PACSIN1: variants seen among roughly 807,000 people sequenced by gnomAD.
PACSIN1 encodes the protein protein kinase C and casein kinase substrate in neurons 1.
In PACSIN1, 15 loss-of-function variants were observed where a neutral mutation model predicts 59.5. That is an observed-to-expected ratio of 0.25 (90% CI 0.17 to 0.39). The LOEUF is 0.39. PACSIN1 is among the 10% of genes least tolerant of loss of function. The pLI is 1.00. For missense variants in PACSIN1, 420 were observed against 580.2 expected (o/e 0.72, Z 2.84); for synonymous variants, 210 against 220.6 (o/e 0.95, Z 0.42).
intron 1 of PACSIN1, among the ~76,000 whole-genome samples, chr6:34,469,764 A>G (rs1048889196): frequency 1.3e-5 from 2 of 152,142 alleles, no homozygotes; most frequent in Admixed American, 6.5e-5. Context: ...CTGGGGCAAC[A>G]GGTAGTGTTC....
intron 1 of PACSIN1, among the ~76,000 whole-genome samples, chr6:34,467,086 A>G (rs1303678698): frequency 6.6e-6 from 1 of 152,122 alleles, no homozygotes; most frequent in Non-Finnish European, 1.5e-5. Flanking sequence ...AGGCACAACC[A>G]TAAATAACCC....
Position 34,529,699 on chromosome 6 carries a change from G to A in PACSIN1, c.646G>A (p.Val216Met), listed in dbSNP as rs144349186. ...QEKYEKVLED[V>M]GKTTPQYMEN... ...GAAGTATGAGAAAGTGCTGGAAGAT[G>A]TGGGCAAGACCACACCCCAGTACAT... Residue 216 changes from valine to methionine, a missense_variant, in exon 6 of 10, where the codon GTG (valine) becomes ATG (methionine). Val to Met is a conservative substitution (Grantham distance 21). Transcript: ENST00000244458. This position sits in a 1 kb window ranked among gnomAD's most constrained non-coding sequence, Gnocchi z 6.3. 4.3e-6 allele frequency: 7 copies of A among 1,614,070 alleles called. No homozygotes were observed. The African/African-American group carries it at 9.3e-5, about 22-fold the overall frequency.
chr6:34,471,862 C>A (rs896848252), intron 1 of PACSIN1, among the ~76,000 whole-genome samples: 9 of 152,172 alleles, frequency 5.9e-5, no homozygotes, highest in Admixed American at 3.3e-4. Context: ...TCTTTGTACG[C>A]TGTGATTTCG....
chr6:34,525,900 C>T lies in PACSIN1; in HGVS notation c.-63-343C>T, dbSNP rs980452013. Among the ~76,000 whole-genome samples the T allele has an allele frequency of 1.3e-5, 2 of 151,980 alleles. No individual in the cohort carries two copies. The highest frequency in any genetic ancestry group is 2.9e-5 in the Non-Finnish European group (2 of 67,970). On this transcript the variant is annotated intron_variant, in intron 1 of 9. Transcript: ENST00000244458. The surrounding 1 kb of genome is among the most constrained non-coding windows in gnomAD (Gnocchi z 4.9). ...AGACAGAAGGGCATTTACAGGGTCC[C>T]GGGGCTCAGATAACTGAGGAGGCGC...
chr6:34,529,282 T>C lies in PACSIN1; in HGVS notation c.457-115T>C. On this transcript the variant is annotated intron_variant, in intron 4 of 9. Transcript: ENST00000244458. This position sits in a 1 kb window ranked among gnomAD's most constrained non-coding sequence, Gnocchi z 6.3. Reference sequence around the variant, plus strand: ...CCAGGGCCTGCATCCCTTCTGGCTCTTAAGAGTGTGGGCTCACAGGTCCCA... The same window carrying C: ...CCAGGGCCTGCATCCCTTCTGGCTCCTAAGAGTGTGGGCTCACAGGTCCCA... 8.7e-7 allele frequency: 1 copy of C among 1,148,226 alleles called. No homozygotes were observed. The highest frequency in any genetic ancestry group is 1.2e-6 in the Non-Finnish European group (1 of 801,444). The allele number at this position is 1,148,226 out of a possible 1,614,324, so 71.1% of individuals were successfully genotyped here.
intron 1 of PACSIN1, among the ~76,000 whole-genome samples, chr6:34,524,402 GAA>G (rs1767448874): frequency 6.6e-6 from 1 of 152,142 alleles, no homozygotes; most frequent in Non-Finnish European, 1.5e-5. Context: ...GACCTACAGA[GAA>G]AAGTCTCTCT....
chr6:34,495,844 C>A (rs764184257), intron 1 of PACSIN1, among the ~76,000 whole-genome samples: 1 of 152,228 alleles, frequency 6.6e-6, no homozygotes, highest in Admixed American at 6.5e-5. Context: ...CCATCTCCCC[C>A]GTTTCTAAAG....
intron 1 of PACSIN1, among the ~76,000 whole-genome samples, chr6:34,467,679 C>T (rs779037039): frequency 6.6e-5 from 10 of 151,860 alleles, no homozygotes; most frequent in Non-Finnish European, 1.0e-4. Context: ...CTGCCTCAGC[C>T]TCCTGAGTAG....
At chr6:34,478,135 C>G (rs1320675891) in intron 1 of PACSIN1, among the ~76,000 whole-genome samples, 1 of 150,506 alleles carries the variant, frequency 6.6e-6, no homozygotes, top group Non-Finnish European at 1.5e-5. Flanking sequence ...TCTCGGCTTA[C>G]TGCAACCTCC....
chr6:34,503,462 G>A (rs1285080554), intron 1 of PACSIN1, among the ~76,000 whole-genome samples: 1 of 152,174 alleles, frequency 6.6e-6, no homozygotes, highest in East Asian at 1.9e-4. Flanking sequence ...AGTGAGTATC[G>A]TCAGCACCGT....
intron 3 of PACSIN1, among the ~76,000 whole-genome samples, chr6:34,528,337 C>T (rs368273334): frequency 6.6e-6 from 1 of 152,222 alleles, no homozygotes; most frequent in South Asian, 2.1e-4. Context: ...AGGCTGCCCC[C>T]CTCCGACCCC....
rs1767583514 is a variant in PACSIN1 at position 34,530,926 on chromosome 6, A to C, written c.1037+339A>C. On this transcript the variant is annotated intron_variant, in intron 8 of 9. Coordinates refer to ENST00000244458, the MANE Select transcript of PACSIN1 (RefSeq NM_020804.5). This position sits in a 1 kb window ranked among gnomAD's most constrained non-coding sequence, Gnocchi z 4.4. ...ATAGGGGGGTTGCGCTCCTATGAGAATCTAACGCCGCGGCTGATCTAACAG... is the reference window on the plus strand; with the variant it reads ...ATAGGGGGGTTGCGCTCCTATGAGACTCTAACGCCGCGGCTGATCTAACAG... 6.6e-6 allele frequency among the ~76,000 whole-genome samples: 1 copy of C among 152,142 alleles called. No homozygotes were observed. Among genetic ancestry groups the C allele is most frequent in the Non-Finnish European group, 1.5e-5 (1 of 68,012 alleles).
chr6:34,485,596 T>C (rs531192270), intron 1 of PACSIN1, among the ~76,000 whole-genome samples: 92 of 152,278 alleles, frequency 6.0e-4, no homozygotes, highest in African/African-American at 1.9e-3. Flanking sequence ...GCCTGTCCCA[T>C]ATCCAGGTGG....
chr6:34,481,600 G>A (rs1766720291), intron 1 of PACSIN1, among the ~76,000 whole-genome samples: 1 of 151,850 alleles, frequency 6.6e-6, no homozygotes, highest in South Asian at 2.1e-4. Flanking sequence ...AACCCGGGAG[G>A]TGGAGCTTGC....
chr6:34,516,001 C>T lies in PACSIN1; in HGVS notation c.-63-10242C>T, dbSNP rs1436352489. Among the ~76,000 whole-genome samples the T allele has an allele frequency of 6.6e-6, 1 of 152,080 alleles. No individual in the cohort carries two copies. Among genetic ancestry groups the T allele is most frequent in the African/African-American group, 2.4e-5 (1 of 41,404 alleles). ...AGTTCACGGTGGGGCACACCTGGTCCAGTTTTGCCCTGAATGGAGCTGAGC... is the reference window on the plus strand; with the variant it reads ...AGTTCACGGTGGGGCACACCTGGTCTAGTTTTGCCCTGAATGGAGCTGAGC... On this transcript the variant is annotated intron_variant, in intron 1 of 9. Coordinates refer to ENST00000244458, the MANE Select transcript of PACSIN1 (RefSeq NM_020804.5). This position sits in a 1 kb window ranked among gnomAD's most constrained non-coding sequence, Gnocchi z 5.4.
intron 1 of PACSIN1, among the ~76,000 whole-genome samples, chr6:34,500,410 T>C (rs908195428): frequency 5.9e-5 from 9 of 152,210 alleles, no homozygotes; most frequent in African/African-American, 2.2e-4. Flanking sequence ...CACTGTGGAA[T>C]TGTCAATAAG....
At chr6:34,511,121 G>T (rs79215333) in intron 1 of PACSIN1, among the ~76,000 whole-genome samples, 1 of 152,278 alleles carries the variant, frequency 6.6e-6, no homozygotes, top group East Asian at 1.9e-4. Flanking sequence ...TTTATCTACC[G>T]TGTTCCACCC....
Position 34,533,721 on chromosome 6 carries a change from A to T in PACSIN1, c.*1191A>T, listed in dbSNP as rs1275803312. The T allele has an allele frequency of 2.0e-5, 3 of 152,274 alleles. No homozygotes were observed. The highest frequency in any genetic ancestry group is 4.4e-5 in the Non-Finnish European group (3 of 68,144). 9.4% of individuals were successfully genotyped at this position (152,274 alleles called of 1,614,324 possible). A position where few individuals can be genotyped will look rare whatever the true frequency, so the allele number is the denominator to read the frequency against. On this transcript the variant is annotated 3_prime_UTR_variant, in exon 10 of 10. Transcript: ENST00000244458. The stretch of plus-strand genomic sequence containing the variant: ...AGGAATCCTGGCCCTCAGGAAGAAG[A>T]TAGTCACATGTTTTTCTTCCTTGTC...
Position 34,532,382 on chromosome 6 carries a change from G to T in PACSIN1, c.1226-39G>T, listed in dbSNP as rs774267767. On this transcript the variant is annotated intron_variant, in intron 9 of 9. Coordinates refer to ENST00000244458, the MANE Select transcript of PACSIN1 (RefSeq NM_020804.5). This position sits in a 1 kb window ranked among gnomAD's most constrained non-coding sequence, Gnocchi z 5.2. ...CAGCCGGTGCGTTGAGGGAGGGGCAGCCTTCTCTCTGAGCCCCTCCCTGTG... is the reference window on the plus strand; with the variant it reads ...CAGCCGGTGCGTTGAGGGAGGGGCATCCTTCTCTCTGAGCCCCTCCCTGTG... The T allele has an allele frequency of 2.9e-6, 4 of 1,365,138 alleles. No individual in the cohort carries two copies. The highest frequency in any genetic ancestry group is 1.0e-6 in the Non-Finnish European group (1 of 977,280). The allele number at this position is 1,365,138 out of a possible 1,614,324, so 84.6% of individuals were successfully genotyped here.
Sources: gnomAD v4.1 joint callset for allele counts (sites outside exome capture counted in the v4.1 genomes callset) on GRCh38, gnomAD v4.1.1 for gene constraint, Gnocchi (gnomAD v3.1) non-coding constraint, MANE v1.5 for transcripts, NCBI Gene and HGNC (gene_info 2026-07-23, HGNC 2026-07-21) for gene names.